LRRTM4: variants seen among roughly 807,000 people sequenced by gnomAD.
The protein encoded by LRRTM4 is leucine rich repeat transmembrane neuronal 4.
A neutral mutation model predicts 47.6 loss-of-function variants in LRRTM4; 25 were observed. The ratio of observed to expected loss-of-function variants is 0.53; its 90% confidence interval spans 0.38 to 0.73. LRRTM4 has a LOEUF of 0.73. LRRTM4 is among the 30% of genes least tolerant of loss of function. The probability of loss-of-function intolerance (pLI) is 0.00; values close to 1 mark genes in which losing one functional copy is unlikely to be tolerated. For synonymous variants in LRRTM4, 311 were observed against 269.5 expected (o/e 1.15, Z -1.51); for missense variants, 638 against 713.4 (o/e 0.89, Z 1.20).
rs538001671 is a variant in LRRTM4 at position 76,994,733 on chromosome 2, A to G, written c.1552-245817T>C. On this transcript the variant is annotated intron_variant, in intron 3 of 3. Transcript: ENST00000409884. ...TGATACACTGAAGATTTATCTCATG[A>G]TTTTATGAACGTGGTATTTATAGTA... Among the ~76,000 whole-genome samples the G allele has an allele frequency of 5.3e-4, 80 of 152,158 alleles. 1 individual carries two copies. The highest frequency in any genetic ancestry group is 8.5e-4 in the Non-Finnish European group (58 of 67,948).
chr2:77,213,571 A>T (rs1433474352), intron 3 of LRRTM4, among the ~76,000 whole-genome samples: 1 of 152,182 alleles, frequency 6.6e-6, no homozygotes, highest in Non-Finnish European at 1.5e-5. Context: ...ATACTGCACA[A>T]GGATTTGAAA....
intron 3 of LRRTM4, among the ~76,000 whole-genome samples, chr2:76,750,453 G>C (rs1016116687): frequency 1.3e-5 from 2 of 151,960 alleles, no homozygotes; most frequent in East Asian, 3.9e-4. Context: ...GCATAAACTT[G>C]GTTAATAACT....
At chr2:77,026,853 T>C (rs1173228041) in intron 3 of LRRTM4, among the ~76,000 whole-genome samples, 1 of 152,100 alleles carries the variant, frequency 6.6e-6, no homozygotes, top group African/African-American at 2.4e-5. Context: ...TTGATAAACA[T>C]AATGCAAATA....
Position 77,155,848 on chromosome 2 carries a change from A to T in LRRTM4, c.1551+362470T>A, listed in dbSNP as rs148804857. Among the ~76,000 whole-genome samples the T allele has an allele frequency of 5.6e-3, 860 of 152,240 alleles. 20 individuals carry two copies. The highest frequency in any genetic ancestry group is 0.036 in the Admixed American group (556 of 15,274). ...GCAGAGTAGAGTGACTATGGTTAAC[A>T]GTAAAAAATATCTATCACATAACAG... On this transcript the variant is annotated intron_variant, in intron 3 of 3. Transcript: ENST00000409884.
chr2:77,057,121 C>T (rs1226866518), intron 3 of LRRTM4, among the ~76,000 whole-genome samples: 1 of 152,126 alleles, frequency 6.6e-6, no homozygotes, highest in African/African-American at 2.4e-5. Flanking sequence ...AACAGAAAAC[C>T]TTTGCTGACC....
In LRRTM4 at chr2:76,911,455, T is replaced by C. The variant is rs534078078; in HGVS notation, c.1552-162539A>G. On this transcript the variant is annotated intron_variant, in intron 3 of 3. Transcript: ENST00000409884. Reference sequence around the variant, plus strand: ...TCAATCTGATATAAATCTCTTTGTTTTTGTATTCCCATCAAGAATTTCAAA... The same window carrying C: ...TCAATCTGATATAAATCTCTTTGTTCTTGTATTCCCATCAAGAATTTCAAA... Among the ~76,000 whole-genome samples, 3 of 152,340 alleles carry C rather than the reference T, an allele frequency of 2.0e-5. No individual in the cohort carries two copies. The South Asian group carries it at 6.2e-4, about 32-fold the overall frequency.
intron 3 of LRRTM4, among the ~76,000 whole-genome samples, chr2:76,812,265 C>T (rs1289813501): frequency 2.0e-5 from 3 of 152,168 alleles, no homozygotes; most frequent in African/African-American, 4.8e-5. Flanking sequence ...TTAAACACCA[C>T]ATAAACTTCT....
At chr2:77,101,112 T>A (rs1670942255) in intron 3 of LRRTM4, among the ~76,000 whole-genome samples, 1 of 151,968 alleles carries the variant, frequency 6.6e-6, no homozygotes, top group Non-Finnish European at 1.5e-5. Flanking sequence ...TGGGACGTAG[T>A]ACTGACTTTT....
At chr2:77,385,830 C>G (rs542279693) in intron 3 of LRRTM4, among the ~76,000 whole-genome samples, 1 of 149,498 alleles carries the variant, frequency 6.7e-6, no homozygotes, top group South Asian at 2.1e-4. Context: ...TCGGTGTAAC[C>G]TCCGCATCCT....
At chr2:77,091,002 C>T (rs1670612726) in intron 3 of LRRTM4, among the ~76,000 whole-genome samples, 1 of 152,056 alleles carries the variant, frequency 6.6e-6, no homozygotes. Flanking sequence ...CCCTTGCCTC[C>T]AGAACTGTTG....
At chr2:77,134,852 C>A (rs1216538449) in intron 3 of LRRTM4, among the ~76,000 whole-genome samples, 3 of 152,056 alleles carry the variant, frequency 2.0e-5, no homozygotes, top group South Asian at 2.1e-4. Context: ...ATAAATAAAT[C>A]TTTTATTTGC....
At chr2:77,084,367 T>C (rs567281424) in intron 3 of LRRTM4, among the ~76,000 whole-genome samples, 1 of 152,316 alleles carries the variant, frequency 6.6e-6, no homozygotes, top group African/African-American at 2.4e-5. Flanking sequence ...TCAGCCTACG[T>C]CCTGAGGACT....
intron 3 of LRRTM4, among the ~76,000 whole-genome samples, chr2:76,800,988 G>GCAAT: frequency 6.7e-6 from 1 of 148,278 alleles, no homozygotes; most frequent in East Asian, 2.1e-4. Context: ...AGTTAGAATG[G>GCAAT]CAATCATTAA....
chr2:77,215,213 GA>G (rs1234601414), intron 3 of LRRTM4, among the ~76,000 whole-genome samples: 1 of 152,064 alleles, frequency 6.6e-6, no homozygotes, highest in Non-Finnish European at 1.5e-5. Context: ...ACACATTTAT[GA>G]GAGACAAAAA....
chr2:76,898,489 G>A (rs72821258), intron 3 of LRRTM4, among the ~76,000 whole-genome samples: 2,520 of 145,096 alleles, frequency 0.017, 59 homozygotes, highest in East Asian at 0.087. Context: ...GGAGGTGGAG[G>A]ATGAGGTGAG....
At chr2:77,258,851 A>T (rs1196829818) in intron 3 of LRRTM4, among the ~76,000 whole-genome samples, 1 of 152,058 alleles carries the variant, frequency 6.6e-6, no homozygotes, top group Non-Finnish European at 1.5e-5. Context: ...CCTATTAATT[A>T]GAATAATATA....
At chr2:77,124,211 A>AT (rs1331381681) in intron 3 of LRRTM4, among the ~76,000 whole-genome samples, 2 of 152,146 alleles carry the variant, frequency 1.3e-5, no homozygotes, top group African/African-American at 2.4e-5. Flanking sequence ...GGGCAAAAAA[A>AT]CAAAGAGATC....
intron 3 of LRRTM4, among the ~76,000 whole-genome samples, chr2:77,292,255 T>C (rs1214765356): frequency 6.7e-6 from 1 of 150,286 alleles, no homozygotes; most frequent in Non-Finnish European, 1.5e-5. Context: ...GGTGGGACTG[T>C]AAACTAGTTC....
intron 3 of LRRTM4, among the ~76,000 whole-genome samples, chr2:77,117,633 A>C (rs905237085): frequency 5.9e-5 from 9 of 151,980 alleles, no homozygotes; most frequent in African/African-American, 2.2e-4. Context: ...ATAAACATTT[A>C]TTTATGCACT....
Sources: gnomAD v4.1 joint callset for allele counts (sites outside exome capture counted in the v4.1 genomes callset) on GRCh38, gnomAD v4.1.1 for gene constraint, MANE v1.5 for transcripts, NCBI Gene and HGNC (gene_info 2026-07-23, HGNC 2026-07-21) for gene names.